The following ARHGEF10 variants were observed in gnomAD, a reference collection of about 807,000 sequenced individuals.
ARHGEF10 encodes Rho guanine nucleotide exchange factor 10, also known as Rho guanine nucleotide exchange factor (GEF) 10.
In ARHGEF10, 140 loss-of-function variants were observed where a neutral mutation model predicts 147.4. The ratio of observed to expected loss-of-function variants is 0.95; its 90% CI spans 0.83 to 1.09. The LOEUF is 1.09. ARHGEF10 is among the 50% of genes least tolerant of loss of function. The pLI is 0.00. For missense variants in ARHGEF10, 2,222 were observed against 1,752.7 expected (o/e 1.27, Z -4.78); for synonymous variants, 902 against 695.8 (o/e 1.30, Z -4.67).
At chr8:1,843,865 C>A (rs531042621) in intron 2 of ARHGEF10, among the ~76,000 whole-genome samples, 2 of 152,330 alleles carry the variant, frequency 1.3e-5, no homozygotes, top group African/African-American at 4.8e-5. Context: ...AGCGGCCGCT[C>A]AGGGACAAGC....
At chr8:1,889,147 G>GGT (rs1809138968) in intron 11 of ARHGEF10, among the ~76,000 whole-genome samples, 1 of 97,702 alleles carries the variant, frequency 1.0e-5, no homozygotes, top group Non-Finnish European at 2.1e-5. Context: ...TGGGGTGAGG[G>GGT]TTGTGAGGAG....
intron 24 of ARHGEF10, 73 bp downstream of exon 24, chr8:1,928,723 T>A: frequency 6.5e-7 from 1 of 1,532,872 alleles, no homozygotes; most frequent in Non-Finnish European, 8.9e-7. Flanking sequence ...GAGCCTGTCC[T>A]GGAAAGAGTC....
intron 8 of ARHGEF10, among the ~76,000 whole-genome samples, chr8:1,879,663 C>T (rs761620233): frequency 7.9e-5 from 12 of 152,126 alleles, no homozygotes; most frequent in Non-Finnish European, 1.5e-4. Flanking sequence ...AGCAATTCGC[C>T]CACCTCAGCC....
At chr8:1,836,053 T>C (rs111406201) in intron 1 of ARHGEF10, among the ~76,000 whole-genome samples, 89,991 of 150,786 alleles carry the variant, frequency 0.6, 27,112 homozygotes, top group Middle Eastern at 0.72. Context: ...TGGTGGCAGG[T>C]GCCTGAAGTC....
chr8:1,950,279 G>A (rs1455943517), intron 27 of ARHGEF10, among the ~76,000 whole-genome samples: 2 of 152,186 alleles, frequency 1.3e-5, no homozygotes, highest in African/African-American at 4.8e-5. Flanking sequence ...TTCCGGACGG[G>A]CACGGGACGC....
intron 15 of ARHGEF10, among the ~76,000 whole-genome samples, chr8:1,898,820 C>T (rs745888738): frequency 6.6e-6 from 1 of 152,078 alleles, no homozygotes; most frequent in African/African-American, 2.4e-5. Context: ...TCTCACAGGG[C>T]CCCAGCACTG....
At position 1,863,230 on chromosome 8, in the gene ARHGEF10, C is replaced by G. The variant is rs181568490; in HGVS notation, c.482-1143C>G. ...GCCCGGAACACTGAACCAGCAGATG[C>G]ATGTGGGATTTGCAGCGCTACCCGC... On this transcript the variant is annotated intron_variant, in intron 4 of 28. Transcript: ENST00000349830. Among the ~76,000 whole-genome samples the G allele has an allele frequency of 5.8e-4, 88 of 152,272 alleles. 1 individual carries two copies. The highest frequency in any genetic ancestry group is 2.9e-3 in the South Asian group (14 of 4,828).
chr8:1,829,148 G>A (rs1002459612), intron 1 of ARHGEF10, among the ~76,000 whole-genome samples: 2 of 152,264 alleles, frequency 1.3e-5, no homozygotes, highest in East Asian at 3.8e-4. Flanking sequence ...CACTCATGTC[G>A]GGCCTGAGCT....
chr8:1,912,069 C>T (rs185509668), intron 18 of ARHGEF10, among the ~76,000 whole-genome samples: 6 of 152,334 alleles, frequency 3.9e-5, no homozygotes, highest in Non-Finnish European at 8.8e-5. Context: ...AGAGTGTAGG[C>T]AGCACTGCCC....
chr8:1,859,230 G>C (rs1180440784), intron 3 of ARHGEF10, among the ~76,000 whole-genome samples: 1 of 151,130 alleles, frequency 6.6e-6, no homozygotes, highest in African/African-American at 2.4e-5. Context: ...CTGCCTCTCG[G>C]TTGTTTGCCC....
At chr8:1,950,206 C>T (rs1434947760) in intron 27 of ARHGEF10, among the ~76,000 whole-genome samples, 4 of 152,332 alleles carry the variant, frequency 2.6e-5, no homozygotes, top group Middle Eastern at 3.4e-3. Flanking sequence ...TGGGCTCCAA[C>T]TCCCGGGACC....
At chr8:1,919,628 G>A (rs1812069966) in intron 18 of ARHGEF10, among the ~76,000 whole-genome samples, 2 of 148,616 alleles carry the variant, frequency 1.3e-5, no homozygotes, top group Admixed American at 1.3e-4. Context: ...TCAAGTGACA[G>A]AGCTGTTCTG....
intron 10 of ARHGEF10, among the ~76,000 whole-genome samples, chr8:1,884,377 C>G (rs569969010): frequency 6.9e-6 from 1 of 144,638 alleles, no homozygotes; most frequent in East Asian, 2.1e-4. Flanking sequence ...GCCTGGGCGA[C>G]AGAGCAAGAG....
At chr8:1,836,489 C>A (rs1437927741) in intron 1 of ARHGEF10, among the ~76,000 whole-genome samples, 1 of 152,114 alleles carries the variant, frequency 6.6e-6, no homozygotes, top group African/African-American at 2.4e-5. Context: ...TGGGCTGACG[C>A]CGGTGGAAGA....
chr8:1,928,350 TTA>T, intron 23 of ARHGEF10, 75 bp from the exon 24 acceptor site: 2 of 1,377,620 alleles, frequency 1.5e-6, no homozygotes. Flanking sequence ...GTCGTGGCCT[TTA>T]AGGGTCAGGT....
At chr8:1,913,574 C>T (rs1395626377) in intron 18 of ARHGEF10, among the ~76,000 whole-genome samples, 1 of 152,212 alleles carries the variant, frequency 6.6e-6, no homozygotes, top group African/African-American at 2.4e-5. Context: ...ATGTTTCTGG[C>T]TTTGCTTGTT....
At chr8:1,847,611 C>T (rs1392590303) in intron 2 of ARHGEF10, among the ~76,000 whole-genome samples, 1 of 151,970 alleles carries the variant, frequency 6.6e-6, no homozygotes, top group East Asian at 1.9e-4. Flanking sequence ...AGCATTGTTT[C>T]TGGGGGATGG....
At chr8:1,873,194 A>C (rs983319204) in intron 7 of ARHGEF10, among the ~76,000 whole-genome samples, 4 of 152,212 alleles carry the variant, frequency 2.6e-5, no homozygotes, top group Admixed American at 6.5e-5. Context: ...ACGCCGCCGC[A>C]GGAGGGCCCT....
At chr8:1,870,233 A>ATTTTTTT (rs60029592) in intron 7 of ARHGEF10, 4 of 98,766 alleles carry the variant, frequency 4.0e-5, no homozygotes, top group Non-Finnish European at 6.0e-5. Flanking sequence ...CTTGTTACCG[A>ATTTTTTT]TTTTTTTTTT....
Sources: allele counts gnomAD v4.1 joint callset (sites outside exome capture counted in the v4.1 genomes callset), GRCh38; gene constraint gnomAD v4.1.1; transcripts MANE v1.5; gene names NCBI Gene and HGNC (gene_info 2026-07-23, HGNC 2026-07-21).